Variants in ZFPM1 observed in about 807,000 individuals in gnomAD.
ZFPM1 encodes zinc finger protein, FOG family member 1.
Under a neutral mutation model 46.3 loss-of-function variants are expected in ZFPM1, and 28 were observed. The observed-to-expected ratio is 0.60, with a 90% CI of 0.45 to 0.83. The LOEUF (loss-of-function observed/expected upper bound fraction) is 0.83. ZFPM1 is among the 40% of genes least tolerant of loss of function. The pLI is 0.00. For missense variants in ZFPM1, 1,878 were observed against 1,432.4 expected, an observed-to-expected ratio of 1.31 and a Z score of -5.02; for synonymous variants, 957 against 675.9, an observed-to-expected ratio of 1.42 and a Z score of -6.45.
At chr16:88,468,267 C>G (rs1908248878) in intron 1 of ZFPM1, among the ~76,000 whole-genome samples, 1 of 152,124 alleles carries the variant, frequency 6.6e-6, no homozygotes, top group Non-Finnish European at 1.5e-5. Context: ...ACCCGCGAGC[C>G]CACTGCCTGC....
chr16:88,483,004 C>T (rs370243475), intron 1 of ZFPM1, among the ~76,000 whole-genome samples: 1 of 152,192 alleles, frequency 6.6e-6, no homozygotes, highest in South Asian at 2.1e-4. Context: ...GTTGGGCCTC[C>T]TGTCCCAGGG....
chr16:88,501,090 C>T (rs1389329174), intron 3 of ZFPM1, among the ~76,000 whole-genome samples: 2 of 147,120 alleles, frequency 1.4e-5, no homozygotes, highest in African/African-American at 5.1e-5. Flanking sequence ...GGGGGCCCTC[C>T]CGCAGGTGCT....
chr16:88,494,727 T>TG (rs1353228742), intron 3 of ZFPM1, among the ~76,000 whole-genome samples: 1 of 151,994 alleles, frequency 6.6e-6, no homozygotes, highest in Non-Finnish European at 1.5e-5. Flanking sequence ...GCCCGGTCAC[T>TG]GGGCCTGTGG....
intron 1 of ZFPM1, among the ~76,000 whole-genome samples, chr16:88,458,437 G>T (rs1202927545): frequency 1.3e-5 from 2 of 152,262 alleles, no homozygotes; most frequent in Admixed American, 6.5e-5. Flanking sequence ...CAGGAACCCA[G>T]TGTGGCATCC....
intron 3 of ZFPM1, among the ~76,000 whole-genome samples, chr16:88,492,545 C>T (rs1909638242): frequency 6.6e-6 from 1 of 152,224 alleles, no homozygotes; most frequent in African/African-American, 2.4e-5. Flanking sequence ...GGTCACGCTG[C>T]AGAGCCCAGA....
chr16:88,496,779 G>A (rs1010617913), intron 3 of ZFPM1, among the ~76,000 whole-genome samples: 4 of 152,156 alleles, frequency 2.6e-5, no homozygotes, highest in Non-Finnish European at 4.4e-5. Context: ...CTCACTGGGC[G>A]TTTCCTGTGA....
chr16:88,523,973 T>C (rs1350935435), intron 4 of ZFPM1, among the ~76,000 whole-genome samples: 3 of 151,964 alleles, frequency 2.0e-5, no homozygotes, highest in Non-Finnish European at 4.4e-5. Context: ...AAATCGGGGG[T>C]GCGTGCAGCG....
At chr16:88,489,522 T>C (rs77606359) in intron 3 of ZFPM1, among the ~76,000 whole-genome samples, 4,746 of 152,302 alleles carry the variant, frequency 0.031, 102 homozygotes, top group South Asian at 0.083. Flanking sequence ...GCCCGTGGCC[T>C]TCCCAGCTGG....
chr16:88,526,811 C>CA lies in ZFPM1; in HGVS notation c.403-2dup. The CA allele has an allele frequency of 6.5e-7, 1 of 1,535,626 alleles. No individual in the cohort carries two copies. The highest frequency in any genetic ancestry group is 2.0e-5 in the Admixed American group (1 of 50,682). On this transcript the variant is annotated splice_polypyrimidine_tract_variant and splice_region_variant and intron_variant, in intron 4 of 9. Transcript: ENST00000319555. ...CCCACGTGTTCCTACCCTCCCCCCCCAGAGCCCAGCCCTGACCCTGCTGCT... is the reference window on the plus strand; with the variant it reads ...CCCACGTGTTCCTACCCTCCCCCCCCAAGAGCCCAGCCCTGACCCTGCTGCT...
chr16:88,532,098 C>T lies in ZFPM1; in HGVS notation c.809C>T (p.Thr270Ile), dbSNP rs745905070. 2.2e-5 allele frequency: 35 copies of T among 1,612,432 alleles called. No individual in the cohort carries two copies. The highest frequency in any genetic ancestry group is 3.0e-5 in the Non-Finnish European group (35 of 1,179,726). ...LLYYCASRQGTGSPAAAATDE... is the reference protein window; with the variant it reads ...LLYYCASRQGIGSPAAAATDE... ...TACTACTGCGCCAGCCGCCAGGGCA[C>T]CGGCTCCCCGGCCGCAGCCGCCACA... is the stretch of plus-strand genomic sequence containing the variant. The change falls in exon 7 of 10, where the codon ACC (threonine) becomes ATC (isoleucine). Residue 270 changes from threonine to isoleucine, a missense_variant. Transcript: ENST00000319555.
chr16:88,461,552 T>C (rs1907891607), intron 1 of ZFPM1, among the ~76,000 whole-genome samples: 1 of 152,172 alleles, frequency 6.6e-6, no homozygotes, highest in African/African-American at 2.4e-5. Flanking sequence ...GAACACCTCC[T>C]TCCCGGCTGT....
At chr16:88,498,482 G>A (rs180882045) in intron 3 of ZFPM1, among the ~76,000 whole-genome samples, 64 of 152,354 alleles carry the variant, frequency 4.2e-4, no homozygotes, top group Non-Finnish European at 8.4e-4. Flanking sequence ...TTCAACCAGC[G>A]TGTGTATGAG....
At chr16:88,515,491 C>G (rs990947228) in intron 4 of ZFPM1, among the ~76,000 whole-genome samples, 2 of 152,246 alleles carry the variant, frequency 1.3e-5, no homozygotes, top group African/African-American at 4.8e-5. Context: ...TACGTCTGAG[C>G]CTGCAGACCC....
In ZFPM1 at chr16:88,514,431, G is replaced by A; in HGVS notation, c.313G>A (p.Ala105Thr). 6.4e-7 allele frequency: 1 copy of A among 1,558,498 alleles called. No individual in the cohort carries two copies. Among genetic ancestry groups the A allele is most frequent in the Middle Eastern group, 1.7e-4 (1 of 5,992 alleles). ...GCAGGATGGGCAGAGGCGCATACGG[G>A]CCCGACTCAGCCTCGCCACGGGCCT... ...VVQDGQRRIR[A>T]RLSLATGLSW... Residue 105 changes from alanine to threonine, a missense_variant, in exon 4 of 10, where the codon GCC becomes ACC. By Grantham distance (58) the Ala-to-Thr change is moderately conservative. Transcript: ENST00000319555.
intron 3 of ZFPM1, among the ~76,000 whole-genome samples, chr16:88,508,050 A>G (rs1910755196): frequency 1.3e-5 from 2 of 152,192 alleles, no homozygotes; most frequent in Admixed American, 1.3e-4. Context: ...TAATCCCAGC[A>G]CTTGGGGAGG....
At chr16:88,467,720 C>G (rs1230983690) in intron 1 of ZFPM1, among the ~76,000 whole-genome samples, 1 of 152,162 alleles carries the variant, frequency 6.6e-6, no homozygotes, top group Non-Finnish European at 1.5e-5. Flanking sequence ...CTAAGCTGAC[C>G]CGTGCCCTTT....
intron 7 of ZFPM1, among the ~76,000 whole-genome samples, 175 bp from the exon 8 acceptor site, chr16:88,532,439 G>A (rs906218448): frequency 1.3e-5 from 2 of 152,140 alleles, no homozygotes; most frequent in African/African-American, 2.4e-5. Flanking sequence ...TGAGGGCTGG[G>A]CCCACTGCTG....
chr16:88,532,911 C>T lies in ZFPM1; in HGVS notation c.1165C>T (p.His389Tyr). 1 of 1,613,198 alleles carries T rather than the reference C, an allele frequency of 6.2e-7. No homozygotes were observed. Among genetic ancestry groups the T allele is most frequent in the Non-Finnish European group, 8.5e-7 (1 of 1,179,974 alleles). ...KGEIYSPGAGHPATKLPPDSL... is the reference protein window; with the variant it reads ...KGEIYSPGAGYPATKLPPDSL... ...TGAGATCTACTCGCCAGGGGCCGGA[C>T]ACCCAGCAACCAAGCTGCCCCCAGG... Residue 389 changes from histidine to tyrosine, a missense_variant, in exon 9 of 10, where the codon CAC becomes TAC. Physicochemically the swap from His to Tyr is moderately conservative, Grantham distance 83 (BLOSUM62 2). Coordinates refer to ENST00000319555, the MANE Select transcript of ZFPM1 (RefSeq NM_153813.3).
At chr16:88,484,006 T>C (rs941284348) in intron 1 of ZFPM1, among the ~76,000 whole-genome samples, 49 of 152,164 alleles carry the variant, frequency 3.2e-4, no homozygotes, top group Non-Finnish European at 6.5e-4. Context: ...CGCTGGCGGG[T>C]GGCACGTTTC....
Sources: allele counts gnomAD v4.1 joint callset (sites outside exome capture counted in the v4.1 genomes callset), GRCh38; gene constraint gnomAD v4.1.1; transcripts MANE v1.5; gene names NCBI Gene and HGNC (gene_info 2026-07-23, HGNC 2026-07-21).